NPAS2: variants seen among roughly 807,000 people sequenced by gnomAD.
NPAS2 encodes the protein neuronal PAS domain-containing protein 2.
Under a neutral mutation model 107.5 loss-of-function variants are expected in NPAS2, and 23 were observed. That is an observed-to-expected ratio of 0.21 (90% CI 0.15 to 0.30). The LOEUF is 0.30. NPAS2 is among the 10% of genes least tolerant of loss of function. The probability of loss-of-function intolerance (pLI) is 1.00; values close to 1 mark genes in which losing one functional copy is unlikely to be tolerated. For synonymous variants in NPAS2, 403 were observed against 417.5 expected (o/e 0.97, Z 0.42); for missense variants, 756 against 1,043.3 (o/e 0.72, Z 3.79).
intron 15 of NPAS2, among the ~76,000 whole-genome samples, chr2:100,979,417 G>A (rs2105264099): frequency 7.0e-6 from 1 of 142,322 alleles, no homozygotes; most frequent in Non-Finnish European, 1.5e-5. Context: ...AGTCTCTTTT[G>A]GAATTCTGAT....
At chr2:100,986,196 G>A (rs1306200931) in intron 16 of NPAS2, 1 of 152,158 alleles carries the variant, frequency 6.6e-6, no homozygotes, top group Admixed American at 6.5e-5. Flanking sequence ...TGGTGGGTGG[G>A]GCATGAGAGG....
At chr2:100,978,608 G>A (rs931983840) in intron 15 of NPAS2, among the ~76,000 whole-genome samples, 1 of 152,206 alleles carries the variant, frequency 6.6e-6, no homozygotes, top group Non-Finnish European at 1.5e-5. Context: ...ACAACATTCG[G>A]TGAGTTACTA....
intron 15 of NPAS2, among the ~76,000 whole-genome samples, chr2:100,981,667 A>G (rs973403553): frequency 2.6e-5 from 4 of 152,142 alleles, no homozygotes; most frequent in African/African-American, 9.7e-5. Flanking sequence ...CGAGACGTGC[A>G]TAGTAGCAAG....
At position 100,996,332 on chromosome 2, in the gene NPAS2, T is replaced by C. The variant is rs1257791375; in HGVS notation, c.*750T>C. On this transcript the variant is annotated 3_prime_UTR_variant, in exon 21 of 21. Coordinates refer to ENST00000335681, the MANE Select transcript of NPAS2 (RefSeq NM_002518.4). ...ACTGGACTATTTCCTGTTTACTTCA[T>C]TGATTGCAACTACAAAGGTGGACTC... 6.4e-6 allele frequency: 1 copy of C among 156,982 alleles called. No individual in the cohort carries two copies. The highest frequency in any genetic ancestry group is 1.4e-5 in the Non-Finnish European group (1 of 70,752). The allele number at this position is 156,982 out of a possible 1,614,324, so 9.7% of individuals were successfully genotyped here.
intron 1 of NPAS2, among the ~76,000 whole-genome samples, chr2:100,829,622 T>C (rs1218224333): frequency 2.6e-5 from 4 of 152,206 alleles, no homozygotes; most frequent in Non-Finnish European, 5.9e-5. Flanking sequence ...TCTGACTTCT[T>C]CGTTTCCTAT....
intron 7 of NPAS2, among the ~76,000 whole-genome samples, chr2:100,963,196 C>T (rs1203468196): frequency 6.6e-6 from 1 of 152,218 alleles, no homozygotes; most frequent in African/African-American, 2.4e-5. Flanking sequence ...GGGGGAGTTT[C>T]AGGACAGAGG....
At chr2:100,829,488 T>A (rs939077023) in intron 1 of NPAS2, among the ~76,000 whole-genome samples, 1 of 152,202 alleles carries the variant, frequency 6.6e-6, no homozygotes, top group Non-Finnish European at 1.5e-5. Context: ...ATGCTACTAA[T>A]TTTTGCACAT....
intron 1 of NPAS2, among the ~76,000 whole-genome samples, chr2:100,847,605 C>G (rs1378086533): frequency 6.6e-6 from 1 of 152,288 alleles, no homozygotes; most frequent in African/African-American, 2.4e-5. Flanking sequence ...CTCCTGACCT[C>G]GTGATCCGCC....
chr2:100,903,646 G>A (rs1319394645), intron 1 of NPAS2, among the ~76,000 whole-genome samples: 2 of 152,316 alleles, frequency 1.3e-5, no homozygotes, highest in East Asian at 1.9e-4. Flanking sequence ...TGTGTTGAGC[G>A]TAGAAGCGGG....
At chr2:100,905,418 A>G (rs1386226253) in intron 2 of NPAS2, among the ~76,000 whole-genome samples, 1 of 151,546 alleles carries the variant, frequency 6.6e-6, no homozygotes, top group East Asian at 1.9e-4. Context: ...TTGAATGCCT[A>G]CTAGATATGC....
chr2:100,901,778 TC>T (rs369015543), intron 1 of NPAS2, among the ~76,000 whole-genome samples: 1 of 152,004 alleles, frequency 6.6e-6, no homozygotes, highest in African/African-American at 2.4e-5. Flanking sequence ...ACACTGTCCC[TC>T]TTGGTTCCCT....
intron 1 of NPAS2, among the ~76,000 whole-genome samples, chr2:100,873,267 AAAAAATACAT>A (rs1388713063): frequency 9.0e-6 from 1 of 111,366 alleles, no homozygotes; most frequent in African/African-American, 4.5e-5. Context: ...AAAAAAAAAA[AAAAAATACAT>A]ATATATATAT....
chr2:100,880,522 C>T (rs187398035), intron 1 of NPAS2, among the ~76,000 whole-genome samples: 8 of 152,210 alleles, frequency 5.3e-5, no homozygotes, highest in Non-Finnish European at 8.8e-5. Context: ...AAATGAAAGA[C>T]GCCATGGCAA....
intron 7 of NPAS2, among the ~76,000 whole-genome samples, chr2:100,952,681 C>T (rs11673746): frequency 0.33 from 50,818 of 151,932 alleles, 8,709 homozygotes; most frequent in Middle Eastern, 0.51. Flanking sequence ...GCTGAATATC[C>T]CTTTGAAGCA....
intron 1 of NPAS2, among the ~76,000 whole-genome samples, chr2:100,897,819 A>T (rs746476817): frequency 6.6e-6 from 1 of 152,162 alleles, no homozygotes; most frequent in African/African-American, 2.4e-5. Flanking sequence ...TGTAAGCACC[A>T]TGAGAGTAGC....
rs551009503 is a variant in NPAS2, at chr2:100,932,943, A to G, written c.215A>G (p.Gln72Arg). The change falls in exon 4 of 21, where the codon CAG (glutamine) becomes CGG (arginine). Residue 72 changes from glutamine to arginine, a missense_variant. Gln to Arg is a conservative substitution (Grantham distance 43). This residue lies in a region of NPAS2 where 146 missense variants were observed against 249.6 expected (regional missense o/e 0.58). Coordinates refer to ENST00000335681, the MANE Select transcript of NPAS2 (RefSeq NM_002518.4). ...VSAQTEICDI[Q>R]QDWKPSFLSN... ...GCGCAAACGGAAATCTGTGACATTC[A>G]GCAAGACTGGAAGCCTTCATTCCTC... 3.7e-6 allele frequency: 6 copies of G among 1,614,140 alleles called. No homozygotes were observed. In the South Asian group the frequency reaches 4.4e-5, roughly 12 times the overall value.
Position 100,935,884 on chromosome 2 carries a change from A to G in NPAS2, c.274-1869A>G, listed in dbSNP as rs114474417. 9.6e-3 allele frequency among the ~76,000 whole-genome samples: 1,462 copies of G among 152,326 alleles called. 15 individuals carry two copies. The highest frequency in any genetic ancestry group is 0.018 in the African/African-American group (762 of 41,574). The stretch of plus-strand genomic sequence containing the variant: ...CTCAAATCTAACCCAGCATTTCTCA[A>G]TCTTGCACTATGGTCATTTTGGACC... On this transcript the variant is annotated intron_variant, in intron 4 of 20. Coordinates refer to ENST00000335681, the MANE Select transcript of NPAS2 (RefSeq NM_002518.4).
chr2:100,885,356 CTTTT>C (rs1277148653), intron 1 of NPAS2, among the ~76,000 whole-genome samples: 2 of 152,140 alleles, frequency 1.3e-5, no homozygotes, highest in African/African-American at 4.8e-5. Context: ...CAGACATATA[CTTTT>C]TTATTTATTT....
chr2:100,990,299 G>A lies in NPAS2; in HGVS notation c.1871G>A (p.Gly624Asp). The change falls in exon 18 of 21, where the codon GGC becomes GAC. Residue 624 changes from glycine to aspartate, a missense_variant. Physicochemically the swap from Gly to Asp is moderately conservative, Grantham distance 94 (BLOSUM62 -1). Around this residue, in one of 4 missense-constraint regions of NPAS2, gnomAD observed 496 missense variants for 594.4 expected, o/e 0.83. Coordinates refer to ENST00000335681, the MANE Select transcript of NPAS2 (RefSeq NM_002518.4). ...AGCTCACAGCTAATGCAGAGCAGCGGCCGCTCTGGAAGCAGCCTAGTGTCC... is the reference window on the plus strand; with the variant it reads ...AGCTCACAGCTAATGCAGAGCAGCGACCGCTCTGGAAGCAGCCTAGTGTCC... ...MRSSQLMQSS[G>D]RSGSSLVSPF... 4 of 1,614,134 alleles carry A rather than the reference G, an allele frequency of 2.5e-6. No homozygotes were observed. Among genetic ancestry groups the A allele is most frequent in the Non-Finnish European group, 3.4e-6 (4 of 1,180,030 alleles).
Sources: gnomAD v4.1 joint callset for allele counts (sites outside exome capture counted in the v4.1 genomes callset) on GRCh38, gnomAD v4.1.1 for gene constraint, gnomAD v4.1.1 regional missense constraint, MANE v1.5 for transcripts, NCBI Gene and HGNC (gene_info 2026-07-23, HGNC 2026-07-21) for gene names.